The following HMGB1 variants were observed in gnomAD, a reference collection of about 807,000 sequenced individuals.
The protein encoded by HMGB1 is high mobility group box 1.
For synonymous variants in HMGB1, 81 were observed against 84.0 expected (o/e 0.96, Z 0.19); for missense variants, 79 against 253.5 (o/e 0.31, Z 4.67).
Position 30,559,513 on chromosome 13 carries a change from G to A in HMGB1, c.-15+57158C>T, listed in dbSNP as rs376165268. On this transcript the variant is annotated intron_variant, in intron 1 of 4. Transcript: ENST00000405805. This position sits in a 1 kb window ranked among gnomAD's most constrained non-coding sequence, Gnocchi z 6.6. ...CTGTCCACACCTCTTCAGCAATATG[G>A]CATATTGCAAAGTAGTGTTCAGAGA... Among the ~76,000 whole-genome samples the A allele has an allele frequency of 3.9e-5, 6 of 152,138 alleles. No individual in the cohort carries two copies. The highest frequency in any genetic ancestry group is 8.8e-5 in the Non-Finnish European group (6 of 68,030).
exon 1 of HMGB1, chr13:30,616,674 C>T (rs1950567850): frequency 6.6e-6 from 1 of 152,116 alleles, no homozygotes; most frequent in Non-Finnish European, 1.5e-5. Context: ...AACTAACCAG[C>T]CTATTTTTGT....
At chr13:30,470,896 G>T (rs565943875), upstream of HMGB1, among the ~76,000 whole-genome samples, 1 of 151,962 alleles carries the variant, frequency 6.6e-6, no homozygotes, top group East Asian at 1.9e-4. Flanking sequence ...TGATCCACCC[G>T]CCTCAGCCTT....
At chr13:30,510,477 C>T (rs1887967296) in intron 1 of HMGB1, among the ~76,000 whole-genome samples, 1 of 152,162 alleles carries the variant, frequency 6.6e-6, no homozygotes, top group East Asian at 1.9e-4. Context: ...AAGGATAAAT[C>T]CCTCTGGAAT....
intron 1 of HMGB1, among the ~76,000 whole-genome samples, chr13:30,518,710 C>G (rs1593287037): frequency 6.6e-6 from 1 of 151,540 alleles, no homozygotes; most frequent in Non-Finnish European, 1.5e-5. Context: ...TTCATAGAAA[C>G]CTTTTTTTTT....
At chr13:30,525,026 T>G (rs1888332931) in intron 1 of HMGB1, among the ~76,000 whole-genome samples, 1 of 152,224 alleles carries the variant, frequency 6.6e-6, no homozygotes, top group African/African-American at 2.4e-5. Flanking sequence ...TGGTTACAAA[T>G]ATGGCTTTGA....
chr13:30,581,014 C>T (rs1870877428), intron 1 of HMGB1, among the ~76,000 whole-genome samples: 1 of 152,088 alleles, frequency 6.6e-6, no homozygotes, highest in African/African-American at 2.4e-5. Flanking sequence ...TCACTATAAC[C>T]TTGAAGTCCT....
intron 1 of HMGB1, among the ~76,000 whole-genome samples, chr13:30,531,579 G>T (rs957400509): frequency 1.3e-5 from 2 of 148,792 alleles, no homozygotes; most frequent in African/African-American, 2.5e-5. Context: ...TTTTTTTCCT[G>T]AATATGAAAG....
At chr13:30,561,228 G>A (rs542160463) in intron 1 of HMGB1, among the ~76,000 whole-genome samples, 2 of 152,276 alleles carry the variant, frequency 1.3e-5, no homozygotes, top group African/African-American at 4.8e-5. Flanking sequence ...CAGAAAGGAG[G>A]GAATGGTCAA....
At chr13:30,544,767 AG>A (rs1869069102) in intron 1 of HMGB1, among the ~76,000 whole-genome samples, 2 of 151,806 alleles carry the variant, frequency 1.3e-5, no homozygotes, top group African/African-American at 4.9e-5. Flanking sequence ...GAGGAGAAGG[AG>A]GTGGGAACGC....
At chr13:30,546,886 C>T (rs1258528745) in intron 1 of HMGB1, among the ~76,000 whole-genome samples, 1 of 152,230 alleles carries the variant, frequency 6.6e-6, no homozygotes, top group South Asian at 2.1e-4. Flanking sequence ...TTTCTTGAAA[C>T]TTGACTCTTA....
At chr13:30,484,926 C>T (rs1887328074) in intron 1 of HMGB1, among the ~76,000 whole-genome samples, 2 of 152,064 alleles carry the variant, frequency 1.3e-5, no homozygotes, top group African/African-American at 4.8e-5. Flanking sequence ...AGGGGATAAA[C>T]AGCCAAAGGA....
At chr13:30,543,840 C>G (rs1869026164) in intron 1 of HMGB1, among the ~76,000 whole-genome samples, 2 of 152,332 alleles carry the variant, frequency 1.3e-5, no homozygotes, top group South Asian at 4.1e-4. Context: ...AAAACTCCAG[C>G]CTCTATAAAA....
At chr13:30,463,168 A>T (rs2137398867) in intron 3 of HMGB1, 39 bp downstream of exon 3, 1 of 1,586,966 alleles carries the variant, frequency 6.3e-7, no homozygotes, top group South Asian at 1.2e-5. Context: ...ATTCTACTGT[A>T]AAACGTGTCT....
chr13:30,567,691 A>C (rs1017493430), intron 1 of HMGB1, among the ~76,000 whole-genome samples: 3 of 152,148 alleles, frequency 2.0e-5, no homozygotes, highest in Admixed American at 2.0e-4. Flanking sequence ...AGGCCCAGTA[A>C]ATGCCTGCTG....
intron 1 of HMGB1, among the ~76,000 whole-genome samples, chr13:30,486,926 A>G (rs1887378206): frequency 6.6e-6 from 1 of 152,198 alleles, no homozygotes; most frequent in South Asian, 2.1e-4. Flanking sequence ...ACTGCACCGC[A>G]TTCCAAATGT....
intron 1 of HMGB1, among the ~76,000 whole-genome samples, chr13:30,511,986 AC>A (rs1284300712): frequency 6.6e-6 from 1 of 152,100 alleles, no homozygotes; most frequent in Non-Finnish European, 1.5e-5. Context: ...TAAAGTTGTT[AC>A]CTGAGATGCA....
chr13:30,515,380 C>T (rs577145212), intron 1 of HMGB1, among the ~76,000 whole-genome samples: 1 of 152,334 alleles, frequency 6.6e-6, no homozygotes, highest in South Asian at 2.1e-4. Context: ...CTGACCTACA[C>T]AACTGTGTGC....
intron 1 of HMGB1, chr13:30,540,269 G>T: frequency 5.8e-6 from 1 of 173,906 alleles, no homozygotes; most frequent in South Asian, 1.3e-4. Context: ...TCTTTTCTCT[G>T]ACACTCTCCT....
chr13:30,517,810 CA>C (rs1465691251), intron 1 of HMGB1, among the ~76,000 whole-genome samples: 1 of 151,974 alleles, frequency 6.6e-6, no homozygotes, highest in African/African-American at 2.4e-5. Context: ...ATACAAAAAC[CA>C]AAAATCAGAA....
Sources: gnomAD v4.1 joint callset for allele counts (sites outside exome capture counted in the v4.1 genomes callset) on GRCh38, gnomAD v4.1.1 for gene constraint, Gnocchi (gnomAD v3.1) non-coding constraint, MANE v1.5 for transcripts, NCBI Gene and HGNC (gene_info 2026-07-23, HGNC 2026-07-21) for gene names.